Variants in ELF2 observed in about 807,000 individuals in gnomAD.
ELF2 encodes the protein ETS-related transcription factor Elf-2.
ELF2 carries 11 observed loss-of-function variants against 54.8 expected under a neutral mutation model. The observed-to-expected ratio is 0.20, with a 90% CI of 0.13 to 0.33. The LOEUF (loss-of-function observed/expected upper bound fraction) is 0.33, where lower values mean the gene tolerates loss of function less well. Among genes scored for constraint, ELF2 ranks in the 10% least tolerant of loss-of-function variants. The pLI, the probability that ELF2 is intolerant of heterozygous loss-of-function variation, is 1.00. For missense variants in ELF2, 513 were observed against 703.0 expected, an observed-to-expected ratio of 0.73 and a Z score of 3.06; for synonymous variants, 203 against 245.1, an observed-to-expected ratio of 0.83 and a Z score of 1.61.
chr4:139,165,174 A>G (rs1486219111), intron 1 of ELF2, among the ~76,000 whole-genome samples: 2 of 152,198 alleles, frequency 1.3e-5, no homozygotes, highest in African/African-American at 4.8e-5. Context: ...ACTGGGCTTT[A>G]GAAGGGTTAA....
intron 7 of ELF2, among the ~76,000 whole-genome samples, chr4:139,064,216 G>A (rs1034203308): frequency 6.6e-6 from 1 of 152,238 alleles, no homozygotes; most frequent in African/African-American, 2.4e-5. Flanking sequence ...GCAGAGGCAG[G>A]AGAATCCCTT....
At chr4:139,135,843 G>A (rs1479711626) in intron 3 of ELF2, among the ~76,000 whole-genome samples, 1 of 152,126 alleles carries the variant, frequency 6.6e-6, no homozygotes, top group African/African-American at 2.4e-5. Flanking sequence ...ATTTGGTAAA[G>A]TCATTTCATT....
chr4:139,169,192 AC>A (rs1742014144), intron 1 of ELF2, among the ~76,000 whole-genome samples: 1 of 151,942 alleles, frequency 6.6e-6, no homozygotes, highest in Admixed American at 6.6e-5. Flanking sequence ...TACTAAAAAT[AC>A]AAAAATTAGC....
intron 6 of ELF2, among the ~76,000 whole-genome samples, chr4:139,071,329 GTTTA>G (rs1283861073): frequency 2.0e-5 from 3 of 151,604 alleles, no homozygotes; most frequent in African/African-American, 7.3e-5. Flanking sequence ...ATATATCACT[GTTTA>G]TTTAGGTTTT....
chr4:139,121,495 A>G (rs1007833152), intron 4 of ELF2, among the ~76,000 whole-genome samples: 2 of 151,740 alleles, frequency 1.3e-5, no homozygotes, highest in African/African-American at 4.8e-5. Flanking sequence ...GGTAATTTGT[A>G]ACAACCTTTT....
intron 3 of ELF2, among the ~76,000 whole-genome samples, chr4:139,133,428 C>G (rs1737756475): frequency 6.6e-6 from 1 of 152,144 alleles, no homozygotes; most frequent in African/African-American, 2.4e-5. Flanking sequence ...TGTTGGCACA[C>G]CAATAACCAC....
chr4:139,138,193 C>T lies in ELF2; in HGVS notation c.-166-326G>A, dbSNP rs559888001. ...CAGCACTTTGGGAGGCCGAGGCAGGCGGATCACGAGGTCAAGAGATCGAGA... is the reference window on the plus strand; with the variant it reads ...CAGCACTTTGGGAGGCCGAGGCAGGTGGATCACGAGGTCAAGAGATCGAGA... On this transcript the variant is annotated intron_variant, in intron 2 of 9. Transcript: ENST00000686138. Among the ~76,000 whole-genome samples, 20 of 152,176 alleles carry T rather than the reference C, an allele frequency of 1.3e-4. 1 individual carries two copies. Among genetic ancestry groups the T allele is most frequent in the Admixed American group, 1.2e-3 (18 of 15,284 alleles).
At chr4:139,099,947 C>G (rs1377058711) in intron 4 of ELF2, among the ~76,000 whole-genome samples, 1 of 152,162 alleles carries the variant, frequency 6.6e-6, no homozygotes, top group Admixed American at 6.5e-5. Flanking sequence ...AAATTGAAAA[C>G]TAGAAAATAA....
chr4:139,173,833 A>C (rs954318360), intron 1 of ELF2, among the ~76,000 whole-genome samples: 1 of 151,866 alleles, frequency 6.6e-6, no homozygotes, highest in African/African-American at 2.4e-5. Flanking sequence ...CAAGCCTGAA[A>C]TCCCAGCACT....
chr4:139,087,453 G>C (rs1047463629), intron 4 of ELF2, among the ~76,000 whole-genome samples: 4 of 151,992 alleles, frequency 2.6e-5, no homozygotes, highest in African/African-American at 9.7e-5. Flanking sequence ...AGACAAACAC[G>C]TTTTTTTGTT....
chr4:139,131,798 C>CAAA (rs70940495), intron 3 of ELF2, among the ~76,000 whole-genome samples: 1 of 135,548 alleles, frequency 7.4e-6, no homozygotes, highest in Non-Finnish European at 1.6e-5. Flanking sequence ...TTCATAATGC[C>CAAA]AAAAAAAAAA....
In ELF2 at chr4:139,090,284, G is replaced by A. The variant is rs1239591689; in HGVS notation, c.239-16717C>T. The stretch of plus-strand genomic sequence containing the variant: ...TCCAAAGTGGCTATGCAAGTCCAGT[G>A]GTTTGGCAGAGTTACGATTTTTCTC... On this transcript the variant is annotated intron_variant, in intron 4 of 9. Transcript: ENST00000686138. 2.0e-5 allele frequency among the ~76,000 whole-genome samples: 3 copies of A among 152,228 alleles called. No homozygotes were observed. In the East Asian group the frequency reaches 5.8e-4, roughly 29 times the overall value.
At chr4:139,156,311 G>A (rs928200017) in intron 1 of ELF2, among the ~76,000 whole-genome samples, 1 of 152,078 alleles carries the variant, frequency 6.6e-6, no homozygotes, top group Non-Finnish European at 1.5e-5. Flanking sequence ...GAGTAGCTGG[G>A]ACTACAGGCA....
intron 1 of ELF2, among the ~76,000 whole-genome samples, chr4:139,174,243 TA>T (rs1286472936): frequency 4.1e-5 from 6 of 144,580 alleles, no homozygotes; most frequent in Admixed American, 7.0e-5. Context: ...AAATAGATTT[TA>T]AAAAAAAAAG....
intron 7 of ELF2, chr4:139,066,687 G>A (rs1382814055): frequency 6.6e-6 from 1 of 150,484 alleles, no homozygotes; most frequent in Non-Finnish European, 1.5e-5. Context: ...AGGAATTCGA[G>A]ATCCGCCTGG....
At chr4:139,060,763 C>T in intron 8 of ELF2, 89 bp from the exon 9 acceptor site, 1 of 1,048,934 alleles carries the variant, frequency 9.5e-7, no homozygotes, top group Non-Finnish European at 1.4e-6. Context: ...ACAGTGGATA[C>T]TAACAGAAAC....
At chr4:139,092,781 A>G (rs1373993078) in intron 4 of ELF2, among the ~76,000 whole-genome samples, 2 of 151,982 alleles carry the variant, frequency 1.3e-5, no homozygotes, top group African/African-American at 4.8e-5. Context: ...AGCCTGGGCG[A>G]CAGAGAGACT....
At chr4:139,150,972 C>T (rs1171173332) in intron 1 of ELF2, among the ~76,000 whole-genome samples, 1 of 146,350 alleles carries the variant, frequency 6.8e-6, no homozygotes, top group African/African-American at 2.6e-5. Flanking sequence ...TGCAGTGAGC[C>T]GAGATCGCAC....
intron 7 of ELF2, among the ~76,000 whole-genome samples, chr4:139,064,878 C>A (rs1294059484): frequency 6.6e-6 from 1 of 151,884 alleles, no homozygotes; most frequent in Non-Finnish European, 1.5e-5. Context: ...GAAACTCCAC[C>A]TCAAAAAACA....
Sources: gnomAD v4.1 joint callset for allele counts (sites outside exome capture counted in the v4.1 genomes callset) on GRCh38, gnomAD v4.1.1 for gene constraint, MANE v1.5 for transcripts, NCBI Gene and HGNC (gene_info 2026-07-23, HGNC 2026-07-21) for gene names.